Variants in CHODL observed in about 807,000 individuals in gnomAD.
CHODL encodes transmembrane protein MT75.
A neutral mutation model predicts 34.5 loss-of-function variants in CHODL; 29 were observed. The observed-to-expected ratio is 0.84, with a 90% confidence interval of 0.63 to 1.15. CHODL has a LOEUF of 1.15. CHODL is among the 50% of genes most tolerant of loss of function. The pLI, the probability that CHODL is intolerant of heterozygous loss-of-function variation, is 0.00. For missense variants in CHODL, 332 were observed against 332.5 expected, an observed-to-expected ratio of 1.00 and a Z score of 0.01; for synonymous variants, 125 against 116.1, an observed-to-expected ratio of 1.08 and a Z score of -0.49.
chr21:18,116,282 A>G (rs1350493630), intron 2 of CHODL, among the ~76,000 whole-genome samples: 2 of 152,060 alleles, frequency 1.3e-5, no homozygotes, highest in Non-Finnish European at 2.9e-5. Flanking sequence ...TCAAGTCAAT[A>G]TGCCCTTTAA....
Position 18,262,886 on chromosome 21 carries a change from C to T in CHODL, c.730C>T (p.His244Tyr). The T allele has an allele frequency of 8.2e-6, 13 of 1,585,078 alleles. No individual in the cohort carries two copies. The highest frequency in any genetic ancestry group is 1.1e-5 in the Non-Finnish European group (13 of 1,154,338). The part of the protein sequence containing the change: ...AFGTCCFQML[H>Y]KSKGRTKTSP... ...TGGAACCTGTTGTTTCCAGATGCTG[C>T]ATAAAAGGTAAATAACTCATATATG... is the stretch of plus-strand genomic sequence containing the variant. The change falls in exon 5 of 6, where the codon CAT becomes TAT. Residue 244 changes from histidine (H) to tyrosine (Y), a missense_variant. Coordinates refer to ENST00000299295, the MANE Select transcript of CHODL (RefSeq NM_024944.3).
intron 2 of CHODL, among the ~76,000 whole-genome samples, chr21:18,079,749 C>T (rs1461941039): frequency 1.1e-5 from 1 of 87,794 alleles, no homozygotes; most frequent in Non-Finnish European, 3.5e-5. Context: ...TGTAATAATA[C>T]CTACTCGTGT....
intron 1 of CHODL, among the ~76,000 whole-genome samples, chr21:17,972,947 T>C (rs1350590396): frequency 1.3e-5 from 2 of 152,112 alleles, no homozygotes; most frequent in African/African-American, 4.8e-5. Flanking sequence ...AACAGATATA[T>C]AGATCAATGA....
At chr21:17,961,321 T>C (rs1326156671) in intron 1 of CHODL, among the ~76,000 whole-genome samples, 1 of 152,178 alleles carries the variant, frequency 6.6e-6, no homozygotes, top group Non-Finnish European at 1.5e-5. Context: ...TAAAAGCAAG[T>C]TTGGCCCGCA....
At chr21:18,039,539 CTTTTATATTG>C (rs987229978) in intron 2 of CHODL, among the ~76,000 whole-genome samples, 11 of 151,694 alleles carry the variant, frequency 7.3e-5, no homozygotes, top group Admixed American at 2.0e-4. Context: ...TTTGGGAACA[CTTTTATATTG>C]TTTTCTATAT....
At chr21:18,194,562 C>G (rs1026170184) in intron 2 of CHODL, among the ~76,000 whole-genome samples, 42 of 151,444 alleles carry the variant, frequency 2.8e-4, no homozygotes, top group African/African-American at 1.0e-3. Flanking sequence ...TCAGAGAGCC[C>G]TTCCCTGAGC....
At chr21:17,993,390 C>A (rs116091503) in intron 1 of CHODL, among the ~76,000 whole-genome samples, 106 of 152,230 alleles carry the variant, frequency 7.0e-4, no homozygotes, top group Middle Eastern at 6.8e-3. Context: ...CTCTGATAGG[C>A]CCCAGTGTCT....
chr21:18,008,912 AT>A (rs2063985229), intron 1 of CHODL, among the ~76,000 whole-genome samples: 1 of 152,192 alleles, frequency 6.6e-6, no homozygotes, highest in Non-Finnish European at 1.5e-5. Flanking sequence ...ATACACTCTG[AT>A]TACTGATGTT....
chr21:18,108,155 T>TG (rs1446469700), intron 2 of CHODL, among the ~76,000 whole-genome samples: 2 of 152,102 alleles, frequency 1.3e-5, no homozygotes, highest in Admixed American at 6.5e-5. Context: ...CACTTTTTTT[T>TG]TTTTTTATCA....
intron 2 of CHODL, among the ~76,000 whole-genome samples, chr21:18,215,093 C>G (rs923208224): frequency 6.6e-6 from 1 of 151,756 alleles, no homozygotes; most frequent in South Asian, 2.1e-4. Context: ...TGTGACTGTC[C>G]ATGATTGGCA....
intron 2 of CHODL, among the ~76,000 whole-genome samples, chr21:18,043,779 A>G (rs1321685078): frequency 6.6e-6 from 1 of 151,972 alleles, no homozygotes; most frequent in Non-Finnish European, 1.5e-5. Context: ...TATAAAGAAA[A>G]AGAGGTTTAA....
At chr21:18,113,004 G>T (rs2065369759) in intron 2 of CHODL, among the ~76,000 whole-genome samples, 1 of 152,074 alleles carries the variant, frequency 6.6e-6, no homozygotes, top group Non-Finnish European at 1.5e-5. Flanking sequence ...GAAAATATTT[G>T]CAAACTATCC....
At chr21:18,036,386 T>C (rs915954790) in intron 2 of CHODL, among the ~76,000 whole-genome samples, 9 of 152,038 alleles carry the variant, frequency 5.9e-5, no homozygotes, top group African/African-American at 2.2e-4. Context: ...AGGTATCCTC[T>C]GCATATTTCA....
intron 2 of CHODL, among the ~76,000 whole-genome samples, chr21:18,068,599 C>G (rs1381942022): frequency 6.6e-6 from 1 of 152,152 alleles, no homozygotes; most frequent in African/African-American, 2.4e-5. Flanking sequence ...CTATTCTCAC[C>G]TGGAAAGTGC....
At chr21:18,253,245 C>T (rs1230619443) in intron 1 of CHODL, among the ~76,000 whole-genome samples, 1 of 151,758 alleles carries the variant, frequency 6.6e-6, no homozygotes, top group Admixed American at 6.6e-5. Flanking sequence ...CCAGGAATTC[C>T]CTGAATGTTT....
At chr21:18,157,970 A>G (rs998068059) in intron 2 of CHODL, among the ~76,000 whole-genome samples, 4 of 151,986 alleles carry the variant, frequency 2.6e-5, no homozygotes, top group African/African-American at 9.7e-5. Flanking sequence ...AAAAAAAGAG[A>G]CAGAAAAGGA....
At chr21:18,145,072 A>C (rs1330843320) in intron 2 of CHODL, among the ~76,000 whole-genome samples, 2 of 149,490 alleles carry the variant, frequency 1.3e-5, no homozygotes, top group African/African-American at 4.9e-5. Flanking sequence ...TATTTACTAC[A>C]AATACATTGT....
intron 2 of CHODL, among the ~76,000 whole-genome samples, chr21:18,062,228 G>A (rs2064676055): frequency 6.6e-6 from 1 of 152,048 alleles, no homozygotes; most frequent in Admixed American, 6.5e-5. Context: ...TTTGAGTATT[G>A]CTGAGCTTTG....
intron 1 of CHODL, among the ~76,000 whole-genome samples, chr21:17,981,084 A>G (rs1255572026): frequency 6.6e-6 from 1 of 152,208 alleles, no homozygotes; most frequent in Non-Finnish European, 1.5e-5. Flanking sequence ...GGTTACTGTC[A>G]CTATACAAAC....
Sources: allele counts gnomAD v4.1 joint callset (sites outside exome capture counted in the v4.1 genomes callset), GRCh38; gene constraint gnomAD v4.1.1; transcripts MANE v1.5; gene names NCBI Gene and HGNC (gene_info 2026-07-23, HGNC 2026-07-21).